Variants in TMEM132D observed in about 807,000 individuals in gnomAD.
TMEM132D encodes transmembrane protein 132D.
Under a neutral mutation model 62.3 loss-of-function variants are expected in TMEM132D, and 21 were observed. That is an observed-to-expected ratio of 0.34 (90% CI 0.24 to 0.49). The LOEUF is 0.49. Among genes scored for constraint, TMEM132D ranks in the 20% least tolerant of loss-of-function variants. The pLI is 0.99. For missense variants in TMEM132D, 1,346 were observed against 1,402.8 expected (o/e 0.96, Z 0.65); for synonymous variants, 621 against 575.6 (o/e 1.08, Z -1.13).
intron 1 of TMEM132D, among the ~76,000 whole-genome samples, chr12:129,727,563 A>C (rs932850410): frequency 1.3e-5 from 2 of 152,254 alleles, no homozygotes; most frequent in Admixed American, 1.3e-4. Flanking sequence ...ACTAAAAAGA[A>C]AGGAAGAAAG....
chr12:129,316,338 G>A (rs900340430), intron 4 of TMEM132D, among the ~76,000 whole-genome samples: 13 of 152,076 alleles, frequency 8.5e-5, no homozygotes, highest in Admixed American at 2.0e-4. Context: ...GTTTTGATTG[G>A]TTGTGCCATT....
chr12:129,715,513 ACCGATAC>A (rs1388214874), intron 1 of TMEM132D, among the ~76,000 whole-genome samples: 1 of 152,188 alleles, frequency 6.6e-6, no homozygotes, highest in Non-Finnish European at 1.5e-5. Context: ...TCTGTAGATA[ACCGATAC>A]CAATTCAAAG....
At chr12:129,323,987 C>A (rs2135645212) in intron 4 of TMEM132D, among the ~76,000 whole-genome samples, 1 of 151,702 alleles carries the variant, frequency 6.6e-6, no homozygotes, top group Admixed American at 6.6e-5. Context: ...ACCCAAAATT[C>A]CATATAACCA....
intron 5 of TMEM132D, among the ~76,000 whole-genome samples, chr12:129,108,716 A>T (rs546473981): frequency 6.6e-6 from 1 of 152,362 alleles, no homozygotes; most frequent in South Asian, 2.1e-4. Context: ...CTCAATCTAC[A>T]TGCAGAATTA....
chr12:129,582,616 T>C (rs1000110198), intron 2 of TMEM132D, among the ~76,000 whole-genome samples: 1 of 56,726 alleles, frequency 1.8e-5, no homozygotes, highest in African/African-American at 7.6e-5. Flanking sequence ...ACTCATTTTC[T>C]TTCTTTCTTT....
intron 5 of TMEM132D, among the ~76,000 whole-genome samples, chr12:129,174,643 G>A (rs1308535269): frequency 1.3e-5 from 2 of 152,084 alleles, no homozygotes; most frequent in Non-Finnish European, 2.9e-5. Context: ...AGATCCTTGA[G>A]GAATTGCCAT....
chr12:129,450,634 A>G (rs1244512560), intron 3 of TMEM132D, among the ~76,000 whole-genome samples: 2 of 152,162 alleles, frequency 1.3e-5, no homozygotes, highest in East Asian at 3.9e-4. Context: ...ATCAGCTGTG[A>G]AACCAGGATT....
intron 4 of TMEM132D, among the ~76,000 whole-genome samples, chr12:129,271,815 G>A (rs1326495072): frequency 1.3e-5 from 2 of 151,842 alleles, no homozygotes; most frequent in East Asian, 1.9e-4. Context: ...TATCATTGAT[G>A]GGCATTTAGG....
Position 129,121,134 on chromosome 12 carries a change from G to T in TMEM132D, c.1444-36432C>A, listed in dbSNP as rs7136775. 2.0e-5 allele frequency among the ~76,000 whole-genome samples: 3 copies of T among 152,174 alleles called. No individual in the cohort carries two copies. In the East Asian group the frequency reaches 5.8e-4, roughly 30 times the overall value. ...TTTTTGAGGCAGAGTCTTGGTCTGTGGCCCAGGCTGGAGTGCAATGGCACA... is the reference window on the plus strand; with the variant it reads ...TTTTTGAGGCAGAGTCTTGGTCTGTTGCCCAGGCTGGAGTGCAATGGCACA... On this transcript the variant is annotated intron_variant, in intron 5 of 8. Coordinates refer to ENST00000422113, the MANE Select transcript of TMEM132D (RefSeq NM_133448.3).
chr12:129,310,267 C>T (rs757433365), intron 4 of TMEM132D, among the ~76,000 whole-genome samples: 29 of 152,258 alleles, frequency 1.9e-4, no homozygotes, highest in Non-Finnish European at 4.0e-4. Context: ...GCCAGGGAAC[C>T]GGTCAGGGCC....
At chr12:129,136,769 C>T (rs565020726) in intron 5 of TMEM132D, among the ~76,000 whole-genome samples, 1,376 of 98,666 alleles carry the variant, frequency 0.014, 24 homozygotes, top group African/African-American at 0.052. Context: ...TCATCACCAT[C>T]ATCACCATCA....
intron 5 of TMEM132D, among the ~76,000 whole-genome samples, chr12:129,136,349 T>A (rs1876555840): frequency 6.6e-6 from 1 of 152,162 alleles, no homozygotes; most frequent in African/African-American, 2.4e-5. Flanking sequence ...CAGAGCTCCT[T>A]ATTCACCTTC....
At chr12:129,885,125 G>A (rs1342587461) in intron 1 of TMEM132D, among the ~76,000 whole-genome samples, 1 of 152,170 alleles carries the variant, frequency 6.6e-6, no homozygotes, top group Non-Finnish European at 1.5e-5. Context: ...GAAAAAGAGA[G>A]GGGCCCATTA....
chr12:129,133,951 T>C (rs1876457342), intron 5 of TMEM132D, among the ~76,000 whole-genome samples: 1 of 152,148 alleles, frequency 6.6e-6, no homozygotes, highest in African/African-American at 2.4e-5. Flanking sequence ...TGCCACCTCA[T>C]GGGGAGGGAG....
intron 1 of TMEM132D, among the ~76,000 whole-genome samples, chr12:129,744,814 G>C (rs571340587): frequency 1.3e-5 from 2 of 152,238 alleles, no homozygotes; most frequent in South Asian, 2.1e-4. Context: ...TGACACAAAG[G>C]CAAGGAAATT....
intron 5 of TMEM132D, among the ~76,000 whole-genome samples, chr12:129,150,443 CTAAG>C (rs1367290647): frequency 7.2e-5 from 11 of 152,086 alleles, no homozygotes; most frequent in African/African-American, 2.4e-4. Context: ...ATAAAAATAA[CTAAG>C]TATGTTATAA....
At chr12:129,348,463 C>G (rs1869758864) in intron 3 of TMEM132D, among the ~76,000 whole-genome samples, 1 of 152,126 alleles carries the variant, frequency 6.6e-6, no homozygotes, top group Admixed American at 6.5e-5. Context: ...GAACAGAAAA[C>G]CAAACACCAC....
chr12:129,430,960 G>A (rs7136224), intron 3 of TMEM132D, among the ~76,000 whole-genome samples: 62,065 of 152,122 alleles, frequency 0.41, 13,505 homozygotes, highest in African/African-American at 0.57. Flanking sequence ...GCTTCCAGGC[G>A]CATGCCTGAT....
chr12:129,746,739 T>C (rs1016191825), intron 1 of TMEM132D, among the ~76,000 whole-genome samples: 1 of 152,090 alleles, frequency 6.6e-6, no homozygotes, highest in African/African-American at 2.4e-5. Context: ...GAAGCGACAG[T>C]GTCACGGAAG....
Sources: allele counts gnomAD v4.1 joint callset (sites outside exome capture counted in the v4.1 genomes callset), GRCh38; gene constraint gnomAD v4.1.1; transcripts MANE v1.5; gene names NCBI Gene and HGNC (gene_info 2026-07-23, HGNC 2026-07-21).